The following DENND1A variants were observed in gnomAD, a reference collection of about 807,000 sequenced individuals.
DENND1A encodes DENN domain containing 1A.
A neutral mutation model predicts 113.7 loss-of-function variants in DENND1A; 51 were observed. That is an observed-to-expected ratio of 0.45 (90% CI 0.36 to 0.57). DENND1A has a LOEUF of 0.57. DENND1A is among the 20% of genes least tolerant of loss of function. The probability of loss-of-function intolerance (pLI) is 0.00; values close to 1 mark genes in which losing one functional copy is unlikely to be tolerated. For synonymous variants in DENND1A, 565 were observed against 570.8 expected (o/e 0.99, Z 0.14); for missense variants, 1,258 against 1,395.9 (o/e 0.90, Z 1.57).
At chr9:123,837,969 TACGA>T (rs1265586460) in intron 2 of DENND1A, among the ~76,000 whole-genome samples, 5 of 152,180 alleles carry the variant, frequency 3.3e-5, no homozygotes, top group African/African-American at 1.2e-4. Flanking sequence ...AAATTAAAAA[TACGA>T]AACAACTTGT....
intron 13 of DENND1A, among the ~76,000 whole-genome samples, chr9:123,543,932 C>T (rs1406813652): frequency 1.3e-5 from 2 of 152,152 alleles, no homozygotes; most frequent in African/African-American, 4.8e-5. Flanking sequence ...GTGCCCTGGT[C>T]AGGTCTGCGG....
intron 11 of DENND1A, among the ~76,000 whole-genome samples, chr9:123,600,102 G>A (rs967114343): frequency 1.3e-5 from 2 of 152,168 alleles, no homozygotes; most frequent in Non-Finnish European, 2.9e-5. Flanking sequence ...ACAGTCTCAC[G>A]TGGCCGGGCT....
At chr9:123,913,870 A>T (rs895904286) in intron 1 of DENND1A, among the ~76,000 whole-genome samples, 3 of 146,482 alleles carry the variant, frequency 2.0e-5, no homozygotes, top group African/African-American at 7.7e-5. Context: ...ACGCCATTGC[A>T]CTCCAGCCTG....
chr9:123,381,717 T>G lies in DENND1A; in HGVS notation c.2928A>C (p.Ala976=). 1 of 1,538,940 alleles carries G rather than the reference T, an allele frequency of 6.5e-7. No homozygotes were observed. Among genetic ancestry groups the G allele is most frequent in the Non-Finnish European group, 8.8e-7 (1 of 1,141,872 alleles). The stretch of plus-strand genomic sequence containing the variant: ...ACGTTCGGATCCTCGACGGGGCAAC[T>G]GCTGGGGGACCCAGCGGCTGTAGGG... ...TSPLQPLGPP[A]VAPSRIRTLP... is the part of the protein sequence containing the mutation. Residue 976 remains alanine (A), a synonymous_variant, in exon 24 of 24, where the codon GCA becomes GCC. Transcript: ENST00000394215. This position sits in a 1 kb window ranked among gnomAD's most constrained non-coding sequence, Gnocchi z 4.7.
intron 10 of DENND1A, among the ~76,000 whole-genome samples, chr9:123,612,160 A>G (rs866100351): frequency 5.9e-5 from 9 of 152,238 alleles, no homozygotes; most frequent in African/African-American, 2.2e-4. Flanking sequence ...AGCCTCAGAT[A>G]CTTCCCTGAA....
At chr9:123,563,926 T>A (rs1325085237) in intron 12 of DENND1A, among the ~76,000 whole-genome samples, 1 of 152,206 alleles carries the variant, frequency 6.6e-6, no homozygotes, top group Non-Finnish European at 1.5e-5. Flanking sequence ...AGCCTCCAAC[T>A]TTCTGTCAGA....
At chr9:123,887,873 T>C (rs1031918262) in intron 1 of DENND1A, among the ~76,000 whole-genome samples, 1 of 152,220 alleles carries the variant, frequency 6.6e-6, no homozygotes, top group Non-Finnish European at 1.5e-5. Context: ...AAAACCAACA[T>C]GACTTATACA....
intron 13 of DENND1A, among the ~76,000 whole-genome samples, chr9:123,470,815 ATTATTTATTAGCCCCATGACTCCC>A (rs1466359191): frequency 6.6e-6 from 1 of 152,092 alleles, no homozygotes; most frequent in Admixed American, 6.5e-5. Context: ...AATTGTCAGA[ATTATTTATTAGCCCCATGACTCCC>A]TTATTTATTA....
chr9:123,903,871 T>C (rs625271), intron 1 of DENND1A, among the ~76,000 whole-genome samples: 43,782 of 151,518 alleles, frequency 0.29, 10,168 homozygotes, highest in African/African-American at 0.65. Flanking sequence ...GAGCCCACCA[T>C]AGCTCAAGGA....
At chr9:123,821,806 C>A (rs1183063363) in intron 2 of DENND1A, among the ~76,000 whole-genome samples, 1 of 152,208 alleles carries the variant, frequency 6.6e-6, no homozygotes, top group Non-Finnish European at 1.5e-5. Context: ...CAAATACCAT[C>A]CCTGTGGACA....
intron 13 of DENND1A, among the ~76,000 whole-genome samples, chr9:123,555,852 C>A (rs1189106743): frequency 1.3e-5 from 2 of 152,190 alleles, no homozygotes; most frequent in Non-Finnish European, 1.5e-5. Flanking sequence ...CTTCAGCTGC[C>A]TTTGGATTCC....
At position 123,767,216 on chromosome 9, in the gene DENND1A, T is replaced by C. The variant is rs557949561; in HGVS notation, c.182+2298A>G. On this transcript the variant is annotated intron_variant, in intron 4 of 23. Coordinates refer to ENST00000394215, the MANE Select transcript of DENND1A (RefSeq NM_001352964.2). ...TATTATTATCTCTTCTGTATTAAAG[T>C]ATACCAAGGTTAGAGGTGGGGGAAC... Among the ~76,000 whole-genome samples the C allele has an allele frequency of 3.9e-5, 6 of 152,288 alleles. No individual in the cohort carries two copies. The South Asian group carries it at 1.0e-3, about 26-fold the overall frequency.
At position 123,606,977 on chromosome 9, in the gene DENND1A, G is replaced by A. The variant is rs1427711713; in HGVS notation, c.765+2459C>T. Reference sequence around the variant, plus strand: ...GGTTGGGAATGTGGATATGTTTAGGGATCAGCAGGAGCACAAGCTAACATG... The same window carrying A: ...GGTTGGGAATGTGGATATGTTTAGGAATCAGCAGGAGCACAAGCTAACATG... On this transcript the variant is annotated intron_variant, in intron 11 of 23. Transcript: ENST00000394215. Among the ~76,000 whole-genome samples the A allele has an allele frequency of 3.9e-5, 6 of 152,176 alleles. No individual in the cohort carries two copies. The East Asian group carries it at 1.2e-3, about 29-fold the overall frequency.
chr9:123,493,363 G>C (rs1473999045), intron 13 of DENND1A, among the ~76,000 whole-genome samples: 1 of 152,198 alleles, frequency 6.6e-6, no homozygotes, highest in East Asian at 1.9e-4. Context: ...ACTTTGCTTA[G>C]CATCAAGTTC....
Position 123,825,116 on chromosome 9 carries a change from A to G in DENND1A, c.89-32486T>C, listed in dbSNP as rs531583683. ...ATTAGTCATGAAACACCAAAACAAAAAAGAAGAGAGAGCAATTAAAGTTTG... is the reference window on the plus strand; with the variant it reads ...ATTAGTCATGAAACACCAAAACAAAGAAGAAGAGAGAGCAATTAAAGTTTG... On this transcript the variant is annotated intron_variant, in intron 2 of 23. Transcript: ENST00000394215. Among the ~76,000 whole-genome samples the G allele has an allele frequency of 2.2e-4, 33 of 152,278 alleles. 2 individuals carry two copies. In the East Asian group the frequency reaches 6.0e-3, roughly 28 times the overall value.
At chr9:123,713,877 A>G (rs760231420) in intron 5 of DENND1A, among the ~76,000 whole-genome samples, 5 of 152,122 alleles carry the variant, frequency 3.3e-5, no homozygotes, top group Non-Finnish European at 7.4e-5. Context: ...TTTATGAAAG[A>G]CGGGGCTGAG....
intron 13 of DENND1A, among the ~76,000 whole-genome samples, chr9:123,499,313 C>T (rs1006386898): frequency 9.9e-5 from 15 of 152,226 alleles, no homozygotes; most frequent in Admixed American, 2.0e-4. Context: ...GGATTACAGG[C>T]GTGAGCCAGC....
chr9:123,780,051 G>A (rs985710272), intron 3 of DENND1A, among the ~76,000 whole-genome samples: 14 of 152,040 alleles, frequency 9.2e-5, no homozygotes, highest in African/African-American at 3.1e-4. Context: ...ACAGGGTTTC[G>A]CCATGTTGGC....
At chr9:123,537,051 G>A (rs2135486856) in intron 13 of DENND1A, among the ~76,000 whole-genome samples, 1 of 152,304 alleles carries the variant, frequency 6.6e-6, no homozygotes, top group African/African-American at 2.4e-5. Context: ...ATGACAGCAT[G>A]CCTGAGAGGT....
Sources: gnomAD v4.1 joint callset for allele counts (sites outside exome capture counted in the v4.1 genomes callset) on GRCh38, gnomAD v4.1.1 for gene constraint, Gnocchi (gnomAD v3.1) non-coding constraint, MANE v1.5 for transcripts, NCBI Gene and HGNC (gene_info 2026-07-23, HGNC 2026-07-21) for gene names.